RGS10: variants seen among roughly 807,000 people sequenced by gnomAD.
RGS10 encodes regulator of G protein signaling 10, also known as regulator of G-protein signalling 10.
RGS10 carries 11 observed loss-of-function variants against 23.5 expected under a neutral mutation model. The ratio of observed to expected loss-of-function variants is 0.47; its 90% confidence interval spans 0.29 to 0.77. The LOEUF (loss-of-function observed/expected upper bound fraction) is 0.77, where lower values mean the gene tolerates loss of function less well. Ranked by LOEUF, RGS10 falls within the 30% of genes least tolerant of loss-of-function variation. RGS10 has a pLI of 0.08. For synonymous variants in RGS10, 77 were observed against 83.2 expected (o/e 0.92, Z 0.41); for missense variants, 180 against 226.3 (o/e 0.80, Z 1.31).
At chr10:119,522,571 A>T (rs1193901478) in intron 3 of RGS10, among the ~76,000 whole-genome samples, 1 of 152,162 alleles carries the variant, frequency 6.6e-6, no homozygotes, top group Non-Finnish European at 1.5e-5. Flanking sequence ...TACAAAAATT[A>T]GCTGGGCATG....
At chr10:119,542,508 C>G in intron 1 of RGS10, 82 bp downstream of exon 1, 1 of 1,238,282 alleles carries the variant, frequency 8.1e-7, no homozygotes, top group South Asian at 2.0e-5. Context: ...GAGCCGCGCC[C>G]GAGCACAAGA....
intron 3 of RGS10, among the ~76,000 whole-genome samples, chr10:119,520,117 C>T (rs1335479732): frequency 6.6e-6 from 1 of 152,170 alleles, no homozygotes; most frequent in African/African-American, 2.4e-5. Flanking sequence ...CGTCTTCTTC[C>T]AGAGATGGAA....
intron 3 of RGS10, among the ~76,000 whole-genome samples, chr10:119,525,214 G>C (rs1844260605): frequency 6.6e-6 from 1 of 152,158 alleles, no homozygotes; most frequent in Non-Finnish European, 1.5e-5. Flanking sequence ...CGCAGGGCAA[G>C]CAAAGATCTA....
At position 119,532,798 on chromosome 10, in the gene RGS10, A is replaced by T. The variant is rs559533016; in HGVS notation, c.50-5374T>A. Reference sequence around the variant, plus strand: ...GGAGGTTGCAGTGAGCCGAGATGGCACCATTGCACTCCAGCCTGGGTGACA... The same window carrying T: ...GGAGGTTGCAGTGAGCCGAGATGGCTCCATTGCACTCCAGCCTGGGTGACA... On this transcript the variant is annotated intron_variant, in intron 1 of 4. Transcript: ENST00000369103. Among the ~76,000 whole-genome samples the T allele has an allele frequency of 4.8e-4, 73 of 151,854 alleles. 1 individual carries two copies. Among genetic ancestry groups the T allele is most frequent in the Admixed American group, 8.5e-4 (13 of 15,268 alleles).
chr10:119,516,363 C>A (rs1052479977), intron 3 of RGS10: 1 of 152,154 alleles, frequency 6.6e-6, no homozygotes, highest in Non-Finnish European at 1.5e-5. Context: ...TTCCTTAATC[C>A]CCTGGACATG....
chr10:119,531,006 TC>T (rs1844325277), intron 1 of RGS10, among the ~76,000 whole-genome samples: 1 of 152,234 alleles, frequency 6.6e-6, no homozygotes, highest in East Asian at 1.9e-4. Flanking sequence ...ACCCTCCAGT[TC>T]GTGGATATTA....
chr10:119,522,139 G>A (rs763532701), intron 3 of RGS10, among the ~76,000 whole-genome samples: 1 of 152,214 alleles, frequency 6.6e-6, no homozygotes, highest in Non-Finnish European at 1.5e-5. Context: ...CGGAGACAGT[G>A]GGGAAGAAGA....
At chr10:119,505,179 G>T (rs1371998174) in intron 4 of RGS10, among the ~76,000 whole-genome samples, 1 of 152,138 alleles carries the variant, frequency 6.6e-6, no homozygotes. Context: ...GGCAGAGAAA[G>T]AAGAAAATGG....
intron 4 of RGS10, 60 bp downstream of exon 4, chr10:119,515,449 T>A: frequency 6.2e-7 from 1 of 1,603,234 alleles, no homozygotes. Context: ...AGTAAATTCT[T>A]CCAGGCCTGG....
intron 4 of RGS10, among the ~76,000 whole-genome samples, chr10:119,511,933 TGTTAG>T (rs1844080497): frequency 6.6e-6 from 1 of 152,200 alleles, no homozygotes; most frequent in Non-Finnish European, 1.5e-5. Flanking sequence ...TGGAAAAACC[TGTTAG>T]AACTGTGTGC....
intron 1 of RGS10, among the ~76,000 whole-genome samples, chr10:119,534,880 C>G (rs564694406): frequency 6.6e-6 from 1 of 152,166 alleles, no homozygotes; most frequent in Admixed American, 6.5e-5. Context: ...CAGAGCAAGA[C>G]TCTGTCTCAA....
In RGS10 at chr10:119,527,248, T is replaced by C; in HGVS notation, c.168+58A>G. 1.6e-6 allele frequency: 2 copies of C among 1,248,306 alleles called. No homozygotes were observed. Among genetic ancestry groups the C allele is most frequent in the South Asian group, 1.3e-5 (1 of 78,622 alleles). 77.3% of individuals were successfully genotyped at this position (1,248,306 alleles called of 1,614,324 possible). A position where few individuals can be genotyped will look rare whatever the true frequency, so the allele number is the denominator to read the frequency against. On this transcript the variant is annotated intron_variant, in intron 2 of 4. Coordinates refer to ENST00000369103, the MANE Select transcript of RGS10 (RefSeq NM_001005339.2). This position sits in a 1 kb window ranked among gnomAD's most constrained non-coding sequence, Gnocchi z 4.2. ...TGAACTGGCCTATTTCTCCCCTGTG[T>C]GCATCTGAACTTCTGCACACACTGC... is the stretch of plus-strand genomic sequence containing the variant.
In RGS10 at chr10:119,539,733, T is replaced by C. The variant is rs532653976; in HGVS notation, c.49+2857A>G. Among the ~76,000 whole-genome samples the C allele has an allele frequency of 5.9e-5, 9 of 152,270 alleles. No individual in the cohort carries two copies. The South Asian group carries it at 1.9e-3, about 32-fold the overall frequency. On this transcript the variant is annotated intron_variant, in intron 1 of 4. Coordinates refer to ENST00000369103, the MANE Select transcript of RGS10 (RefSeq NM_001005339.2). ...CAGGAAGAATAAGGAAATCCCACTC[T>C]GAACCTTGGAAGGAGGGGTTAGGAA...
At chr10:119,516,090 A>G (rs890825392) in intron 3 of RGS10, among the ~76,000 whole-genome samples, 1 of 152,032 alleles carries the variant, frequency 6.6e-6, no homozygotes, top group Admixed American at 6.6e-5. Context: ...CATCTCTAGT[A>G]AAAAGACAAA....
intron 1 of RGS10, among the ~76,000 whole-genome samples, chr10:119,542,248 C>T (rs1015548429): frequency 5.3e-5 from 8 of 152,246 alleles, no homozygotes; most frequent in African/African-American, 1.9e-4. Context: ...AGGGAGAAGC[C>T]CGCGCGCCGT....
At chr10:119,511,109 T>C (rs1844072333) in intron 4 of RGS10, among the ~76,000 whole-genome samples, 1 of 152,212 alleles carries the variant, frequency 6.6e-6, no homozygotes, top group African/African-American at 2.4e-5. Flanking sequence ...CCTTCCTTCC[T>C]GCTTCCTCCA....
At chr10:119,511,749 G>C (rs1290500540) in intron 4 of RGS10, among the ~76,000 whole-genome samples, 6 of 152,144 alleles carry the variant, frequency 3.9e-5, no homozygotes, top group African/African-American at 1.4e-4. Flanking sequence ...CTGTCCCACA[G>C]CACAGGGATG....
At chr10:119,510,134 G>A (rs1423681859) in intron 4 of RGS10, among the ~76,000 whole-genome samples, 1 of 152,116 alleles carries the variant, frequency 6.6e-6, no homozygotes, top group African/African-American at 2.4e-5. Flanking sequence ...CCTGAACTAG[G>A]GACCTGAGCC....
chr10:119,526,792 C>T (rs1434181975), intron 2 of RGS10, among the ~76,000 whole-genome samples: 1 of 152,142 alleles, frequency 6.6e-6, no homozygotes, highest in Admixed American at 6.5e-5. Flanking sequence ...TTGAAATTCA[C>T]ATATGGTCCT....
Sources: allele counts gnomAD v4.1 joint callset (sites outside exome capture counted in the v4.1 genomes callset), GRCh38; gene constraint gnomAD v4.1.1; non-coding constraint Gnocchi (gnomAD v3.1); transcripts MANE v1.5; gene names NCBI Gene and HGNC (gene_info 2026-07-23, HGNC 2026-07-21).